CSMD3: variants seen among roughly 807,000 people sequenced by gnomAD.
The protein encoded by CSMD3 is CUB and sushi domain-containing protein 3.
CSMD3 carries 177 observed loss-of-function variants against 435.2 expected under a neutral mutation model. That is an observed-to-expected ratio of 0.41 (90% CI 0.36 to 0.46). CSMD3 has a LOEUF of 0.46. CSMD3 is among the 20% of genes least tolerant of loss of function. CSMD3 has a pLI of 0.34. For synonymous variants in CSMD3, 1,656 were observed against 1,520.5 expected (o/e 1.09, Z -2.07); for missense variants, 4,265 against 4,504.6 (o/e 0.95, Z 1.52).
chr8:113,355,751 C>CAT (rs2094220673), intron 1 of CSMD3, among the ~76,000 whole-genome samples: 1 of 88,474 alleles, frequency 1.1e-5, no homozygotes. Context: ...TATATATATA[C>CAT]ACACACACAC....
At chr8:113,354,021 T>A (rs953854806) in intron 1 of CSMD3, among the ~76,000 whole-genome samples, 16 of 152,310 alleles carry the variant, frequency 1.1e-4, no homozygotes, top group African/African-American at 3.8e-4. Context: ...TTATTTTTAA[T>A]AAAAGTGTAC....
chr8:112,292,687 T>A lies in CSMD3; in HGVS notation c.8638A>T (p.Ser2880Cys), dbSNP rs769653559. Residue 2880 changes from serine to cysteine, a missense_variant, in exon 55 of 71, where the codon AGT (serine) becomes TGT (cysteine). Physicochemically the swap from Ser to Cys is moderately radical, Grantham distance 112. This residue lies in a region of CSMD3 where 3,255 missense variants were observed against 3,380.2 expected (regional missense o/e 0.96). Coordinates refer to ENST00000297405, the MANE Select transcript of CSMD3 (RefSeq NM_198123.2). ...CCACTTGTTCTTCCATAAATTGGAC[T>A]ACCAGGGTGACCACAGCTAACAGCT... is the stretch of plus-strand genomic sequence containing the variant. The part of the protein sequence containing the change: ...CVPVSCGHPG[S>C]PIYGRTSGNG... 6.2e-7 allele frequency: 1 copy of A among 1,613,776 alleles called. No homozygotes were observed. The highest frequency in any genetic ancestry group is 8.5e-7 in the Non-Finnish European group (1 of 1,179,762).
chr8:112,411,534 A>G (rs866868338), intron 32 of CSMD3, among the ~76,000 whole-genome samples: 51 of 152,072 alleles, frequency 3.4e-4, no homozygotes, highest in African/African-American at 1.2e-3. Context: ...TCACTATAGT[A>G]AAGACAAAAT....
At chr8:112,500,026 T>TTGAATCC (rs1028972784) in intron 30 of CSMD3, among the ~76,000 whole-genome samples, 4 of 152,114 alleles carry the variant, frequency 2.6e-5, no homozygotes, top group African/African-American at 9.7e-5. Flanking sequence ...CGAGAATTGC[T>TTGAATCC]TGAATCCGGG....
chr8:112,433,654 C>CAAAAAAAAAAAAAAAAAAAAAAA (rs35572894), intron 32 of CSMD3, among the ~76,000 whole-genome samples: 12 of 93,160 alleles, frequency 1.3e-4, no homozygotes, highest in South Asian at 4.2e-4. Flanking sequence ...GAGAACCTGT[C>CAAAAAAAAAAAAAAAAAAAAAAA]AAAAAAAAAA....
intron 40 of CSMD3, among the ~76,000 whole-genome samples, chr8:112,347,504 C>A (rs1314905070): frequency 1.3e-5 from 2 of 152,150 alleles, no homozygotes; most frequent in Non-Finnish European, 2.9e-5. Context: ...ATACAATATT[C>A]AATAAGTTTG....
chr8:113,306,288 G>A (rs972784485), intron 2 of CSMD3, among the ~76,000 whole-genome samples: 1 of 152,068 alleles, frequency 6.6e-6, no homozygotes, highest in Non-Finnish European at 1.5e-5. Flanking sequence ...GAGAGAATCA[G>A]TACACAAGGG....
At chr8:112,726,908 G>A (rs564740806) in intron 13 of CSMD3, among the ~76,000 whole-genome samples, 12 of 151,426 alleles carry the variant, frequency 7.9e-5, no homozygotes, top group Admixed American at 6.6e-4. Context: ...AGAACCAATG[G>A]GAATATGATT....
chr8:113,235,128 A>C (rs182952921), intron 3 of CSMD3, among the ~76,000 whole-genome samples: 28 of 152,238 alleles, frequency 1.8e-4, no homozygotes, highest in East Asian at 3.9e-4. Flanking sequence ...TTGTGGTGAA[A>C]GTCTTCGGCA....
chr8:113,091,131 AT>A (rs2089988929), intron 5 of CSMD3, among the ~76,000 whole-genome samples: 2 of 152,256 alleles, frequency 1.3e-5, no homozygotes, highest in African/African-American at 4.8e-5. Flanking sequence ...AGAAAAAAAA[AT>A]ATGCCAAGCA....
chr8:113,238,990 T>G (rs2132231794), intron 3 of CSMD3, among the ~76,000 whole-genome samples: 1 of 152,332 alleles, frequency 6.6e-6, no homozygotes, highest in African/African-American at 2.4e-5. Context: ...CAAAGCAGGT[T>G]GCCCTCCCTA....
At chr8:112,739,594 C>G (rs541019291) in intron 13 of CSMD3, among the ~76,000 whole-genome samples, 2 of 151,638 alleles carry the variant, frequency 1.3e-5, no homozygotes, top group African/African-American at 4.8e-5. Flanking sequence ...CTTTTAACTT[C>G]TTTGAGTAGA....
intron 9 of CSMD3, among the ~76,000 whole-genome samples, chr8:112,925,849 C>T (rs1256471114): frequency 6.6e-6 from 1 of 152,188 alleles, no homozygotes; most frequent in African/African-American, 2.4e-5. Context: ...TAGGTCTGCT[C>T]CTGTTTATGC....
chr8:112,477,857 T>A (rs1819220970), intron 31 of CSMD3, among the ~76,000 whole-genome samples: 1 of 152,196 alleles, frequency 6.6e-6, no homozygotes, highest in Non-Finnish European at 1.5e-5. Context: ...AAAATTCCTA[T>A]CAAGCTGATA....
intron 1 of CSMD3, among the ~76,000 whole-genome samples, chr8:113,382,831 A>G (rs1053017594): frequency 6.6e-6 from 1 of 151,996 alleles, no homozygotes; most frequent in African/African-American, 2.4e-5. Context: ...AAATACAAAA[A>G]TTAGCCAGAT....
intron 6 of CSMD3, among the ~76,000 whole-genome samples, chr8:113,002,922 A>C (rs116507738): frequency 1.4e-4 from 21 of 152,074 alleles, no homozygotes; most frequent in Non-Finnish European, 2.5e-4. Flanking sequence ...TTAGAGCATA[A>C]GTTTATTTTT....
intron 59 of CSMD3, among the ~76,000 whole-genome samples, chr8:112,280,214 T>C (rs1818491377): frequency 6.6e-6 from 1 of 152,168 alleles, no homozygotes; most frequent in South Asian, 2.1e-4. Context: ...AAGTCTCCTT[T>C]GCTACAGAGG....
chr8:113,384,141 G>T (rs1238914413), intron 1 of CSMD3, among the ~76,000 whole-genome samples: 1 of 152,038 alleles, frequency 6.6e-6, no homozygotes, highest in Non-Finnish European at 1.5e-5. Flanking sequence ...CCTCCTTAAA[G>T]CTGAAATACG....
chr8:112,513,961 C>T (rs914300259), intron 28 of CSMD3, among the ~76,000 whole-genome samples: 4 of 151,824 alleles, frequency 2.6e-5, no homozygotes, highest in Non-Finnish European at 2.9e-5. Context: ...TATGTATATT[C>T]CTTATCACAA....
Sources: allele counts gnomAD v4.1 joint callset (sites outside exome capture counted in the v4.1 genomes callset), GRCh38; gene constraint gnomAD v4.1.1; regional missense constraint gnomAD v4.1.1; transcripts MANE v1.5; gene names NCBI Gene and HGNC (gene_info 2026-07-23, HGNC 2026-07-21).